The following DLGAP1 variants were observed in gnomAD, a reference collection of about 807,000 sequenced individuals.
The protein encoded by DLGAP1 is disks large-associated protein 1.
A neutral mutation model predicts 90.8 loss-of-function variants in DLGAP1; 11 were observed. That is an observed-to-expected ratio of 0.12 (90% CI 0.08 to 0.20). The LOEUF (loss-of-function observed/expected upper bound fraction) is 0.20, where lower values mean the gene tolerates loss of function less well. DLGAP1 is among the 10% of genes least tolerant of loss of function. The pLI is 1.00. For synonymous variants in DLGAP1, 558 were observed against 540.7 expected, an observed-to-expected ratio of 1.03 and a Z score of -0.44; for missense variants, 1,050 against 1,333.8, an observed-to-expected ratio of 0.79 and a Z score of 3.31.
chr18:3,742,914 A>ATATATC (rs2063115988), intron 5 of DLGAP1, among the ~76,000 whole-genome samples: 1 of 151,416 alleles, frequency 6.6e-6, no homozygotes. Flanking sequence ...GTAAGTGGGT[A>ATATATC]TATATCTATA....
At chr18:3,721,102 A>G (rs1205262276) in intron 7 of DLGAP1, among the ~76,000 whole-genome samples, 4 of 152,050 alleles carry the variant, frequency 2.6e-5, no homozygotes, top group Non-Finnish European at 5.9e-5. Context: ...ACAAAAGTGA[A>G]TGATAAAGAT....
chr18:4,068,210 C>T (rs2075398069), intron 2 of DLGAP1, among the ~76,000 whole-genome samples: 1 of 151,574 alleles, frequency 6.6e-6, no homozygotes, highest in Admixed American at 6.6e-5. Flanking sequence ...GCAATATGGG[C>T]TTGATGAGGG....
At chr18:3,628,894 A>G (rs2058413669) in intron 7 of DLGAP1, among the ~76,000 whole-genome samples, 1 of 152,172 alleles carries the variant, frequency 6.6e-6, no homozygotes, top group African/African-American at 2.4e-5. Flanking sequence ...TTTACTATAG[A>G]TGGATATTTA....
At chr18:4,267,911 T>C (rs956654774) in intron 1 of DLGAP1, among the ~76,000 whole-genome samples, 1 of 152,196 alleles carries the variant, frequency 6.6e-6, no homozygotes, top group Non-Finnish European at 1.5e-5. Flanking sequence ...AAATATACGA[T>C]GCAGTGCCTT....
chr18:3,898,900 T>C (rs1409544543), intron 3 of DLGAP1, among the ~76,000 whole-genome samples: 1 of 151,086 alleles, frequency 6.6e-6, no homozygotes, highest in Non-Finnish European at 1.5e-5. Flanking sequence ...ACACTTTAGA[T>C]AGGCCATTTA....
At chr18:3,693,244 C>A (rs1465869061) in intron 7 of DLGAP1, among the ~76,000 whole-genome samples, 1 of 151,946 alleles carries the variant, frequency 6.6e-6, no homozygotes, top group Non-Finnish European at 1.5e-5. Flanking sequence ...TACCATGTCT[C>A]ACTTATTTAA....
rs772530060 is a variant in DLGAP1, at chr18:3,582,070, G to T, written c.1770C>A (p.Thr590=). The T allele has an allele frequency of 1.2e-6, 2 of 1,613,866 alleles. No homozygotes were observed. The highest frequency in any genetic ancestry group is 1.7e-6 in the Non-Finnish European group (2 of 1,180,008). Residue 590 remains threonine (T), a synonymous_variant, in exon 8 of 13, where the codon ACC becomes ACA. Coordinates refer to ENST00000315677, the MANE Select transcript of DLGAP1 (RefSeq NM_004746.4). ...GAGCCTTCATACTGTCCAGGCTCTCGGTGGAGTTGCTGAGTCCAGACTGGC... is the reference window on the plus strand; with the variant it reads ...GAGCCTTCATACTGTCCAGGCTCTCTGTGGAGTTGCTGAGTCCAGACTGGC... ...IISQSGLSNS[T]ESLDSMKALT... is the part of the protein sequence containing the mutation.
intron 1 of DLGAP1, among the ~76,000 whole-genome samples, chr18:4,420,618 T>C (rs1390816043): frequency 6.6e-6 from 1 of 152,120 alleles, no homozygotes; most frequent in Non-Finnish European, 1.5e-5. Context: ...ACCTCATCCA[T>C]ACCCAAGGAT....
At chr18:3,889,930 T>C (rs1254837395) in intron 3 of DLGAP1, among the ~76,000 whole-genome samples, 3 of 152,162 alleles carry the variant, frequency 2.0e-5, no homozygotes, top group African/African-American at 7.2e-5. Flanking sequence ...CCAGAGTCCA[T>C]GGAACCCCAG....
chr18:3,828,673 GACAAA>G (rs2067863877), intron 4 of DLGAP1, among the ~76,000 whole-genome samples: 1 of 79,564 alleles, frequency 1.3e-5, no homozygotes, highest in Non-Finnish European at 2.8e-5. Flanking sequence ...AGGACAAAAA[GACAAA>G]ACAAAACCTT....
intron 9 of DLGAP1, among the ~76,000 whole-genome samples, chr18:3,540,057 C>T (rs2052598867): frequency 6.6e-6 from 1 of 152,102 alleles, no homozygotes; most frequent in Non-Finnish European, 1.5e-5. Flanking sequence ...AAAGTGCAAC[C>T]ATCTTGGTAT....
intron 2 of DLGAP1, among the ~76,000 whole-genome samples, chr18:4,102,256 A>C (rs2075791761): frequency 6.6e-6 from 1 of 152,192 alleles, no homozygotes. Flanking sequence ...TGGAAACAGT[A>C]CTACGCATTT....
chr18:4,229,983 G>C (rs752472788), intron 1 of DLGAP1, among the ~76,000 whole-genome samples: 3 of 152,070 alleles, frequency 2.0e-5, no homozygotes, highest in Non-Finnish European at 4.4e-5. Flanking sequence ...CAAAATATCT[G>C]AATAGACATT....
intron 5 of DLGAP1, among the ~76,000 whole-genome samples, chr18:3,750,697 C>CT (rs1014326275): frequency 1.3e-5 from 2 of 152,208 alleles, no homozygotes; most frequent in African/African-American, 4.8e-5. Context: ...GGTGAATCCT[C>CT]TTAACCACAG....
chr18:3,977,791 T>C (rs1195510831), intron 3 of DLGAP1: 2 of 380,034 alleles, frequency 5.3e-6, no homozygotes, highest in Non-Finnish European at 1.0e-5. Context: ...GGTGATGCTG[T>C]TAAAGTCAGA....
chr18:3,699,275 G>A (rs1479827703), intron 7 of DLGAP1, among the ~76,000 whole-genome samples: 5 of 152,054 alleles, frequency 3.3e-5, no homozygotes, highest in Admixed American at 6.6e-5. Flanking sequence ...CCTCATCTTC[G>A]TGGATTTATC....
chr18:3,653,903 A>AGT lies in DLGAP1; in HGVS notation c.1592-71657_1592-71656dup, dbSNP rs1224210464. ...TTGCAAGTACGGTAATTAGCTAAGC[A>AGT]GTGGCAAGGCCGACCATCTGAGGTT... On this transcript the variant is annotated intron_variant, in intron 7 of 12. Coordinates refer to ENST00000315677, the MANE Select transcript of DLGAP1 (RefSeq NM_004746.4). This position sits in a 1 kb window ranked among gnomAD's most constrained non-coding sequence, Gnocchi z 4.6. The AGT allele has an allele frequency of 1.3e-5, 2 of 152,210 alleles. No individual in the cohort carries two copies. The highest frequency in any genetic ancestry group is 6.5e-5 in the Admixed American group (1 of 15,274). 9.4% of individuals were successfully genotyped at this position (152,210 alleles called of 1,614,324 possible).
chr18:3,808,362 G>C (rs890589229), intron 5 of DLGAP1, among the ~76,000 whole-genome samples: 1 of 152,150 alleles, frequency 6.6e-6, no homozygotes, highest in Non-Finnish European at 1.5e-5. Context: ...GGAGTTAGAA[G>C]TATAGAGGAT....
chr18:3,633,159 A>G (rs2146207630), intron 7 of DLGAP1, among the ~76,000 whole-genome samples: 1 of 152,328 alleles, frequency 6.6e-6, no homozygotes. Flanking sequence ...GCACTCTGGG[A>G]GGCCAAGGCG....
Sources: gnomAD v4.1 joint callset for allele counts (sites outside exome capture counted in the v4.1 genomes callset) on GRCh38, gnomAD v4.1.1 for gene constraint, Gnocchi (gnomAD v3.1) non-coding constraint, MANE v1.5 for transcripts, NCBI Gene and HGNC (gene_info 2026-07-23, HGNC 2026-07-21) for gene names.